The following PTPN21 variants were observed in gnomAD, a reference collection of about 807,000 sequenced individuals.
PTPN21 encodes the protein tyrosine-protein phosphatase non-receptor type 21.
A neutral mutation model predicts 131.8 loss-of-function variants in PTPN21; 77 were observed. The ratio of observed to expected loss-of-function variants is 0.58; its 90% CI spans 0.49 to 0.71. The LOEUF is 0.71. Among genes scored for constraint, PTPN21 ranks in the 30% least tolerant of loss-of-function variants. The pLI, the probability that PTPN21 is intolerant of heterozygous loss-of-function variation, is 0.00. For synonymous variants in PTPN21, 715 were observed against 621.3 expected (o/e 1.15, Z -2.24); for missense variants, 1,552 against 1,527.1 (o/e 1.02, Z -0.27).
chr14:88,497,126 C>T, intron 9 of PTPN21, 77 bp downstream of exon 9: 1 of 1,124,944 alleles, frequency 8.9e-7, no homozygotes, highest in Non-Finnish European at 1.4e-6. Context: ...TGCCTCCAAA[C>T]ACATACAGGC....
chr14:88,483,575 T>A (rs2077684846), intron 12 of PTPN21, among the ~76,000 whole-genome samples: 1 of 152,110 alleles, frequency 6.6e-6, no homozygotes, highest in Admixed American at 6.6e-5. Flanking sequence ...GGTCCCTTCA[T>A]GCATCACTCC....
chr14:88,500,980 A>G, intron 7 of PTPN21, 109 bp from the exon 8 acceptor site: 1 of 777,886 alleles, frequency 1.3e-6, no homozygotes, highest in Non-Finnish European at 2.2e-6. Flanking sequence ...GAAGACCTAC[A>G]GAGTAACTAT....
At chr14:88,472,214 G>T in intron 15 of PTPN21, 30 bp downstream of exon 15, 1 of 1,208,478 alleles carries the variant, frequency 8.3e-7, no homozygotes, top group Non-Finnish European at 1.2e-6. Flanking sequence ...AACTGCATGT[G>T]CTGTTGATTA....
At position 88,468,193 on chromosome 14, in the gene PTPN21, A is replaced by G; in HGVS notation, c.3469T>C (p.Tyr1157His). ...RMMLVQTLCQ[Y>H]TFVYRVLIQF... ...ATGAGGACTCTGTACACAAATGTGTACTGGCAGAGAGTCTGCACCAGCATC... is the reference window on the plus strand; with the variant it reads ...ATGAGGACTCTGTACACAAATGTGTGCTGGCAGAGAGTCTGCACCAGCATC... Residue 1157 changes from tyrosine to histidine, a missense_variant, in exon 19 of 19, where the codon TAC (tyrosine) becomes CAC (histidine). This residue lies in a region of PTPN21 where 316 missense variants were observed against 378.5 expected (regional missense o/e 0.83). Coordinates refer to ENST00000556564, the MANE Select transcript of PTPN21 (RefSeq NM_007039.4). The G allele has an allele frequency of 6.2e-7, 1 of 1,613,064 alleles. No individual in the cohort carries two copies. The highest frequency in any genetic ancestry group is 8.5e-7 in the Non-Finnish European group (1 of 1,179,074).
At chr14:88,487,586 ACTG>A (rs59969163) in intron 10 of PTPN21, among the ~76,000 whole-genome samples, 15,004 of 152,014 alleles carry the variant, frequency 0.099, 905 homozygotes, top group South Asian at 0.17. Flanking sequence ...GGTGATTACA[ACTG>A]CTTTTACTAG....
chr14:88,475,568 C>G (rs182708976), intron 13 of PTPN21, among the ~76,000 whole-genome samples: 1 of 152,276 alleles, frequency 6.6e-6, no homozygotes, highest in African/African-American at 2.4e-5. Flanking sequence ...CTAAACACTT[C>G]CTGCTTAGGC....
At chr14:88,551,700 G>GT (rs898806284) in intron 1 of PTPN21, 5 of 152,204 alleles carry the variant, frequency 3.3e-5, no homozygotes, top group African/African-American at 1.2e-4. Context: ...TTTATAGAGC[G>GT]AAGTCTCGCT....
At chr14:88,481,214 T>C (rs981356236) in intron 12 of PTPN21, among the ~76,000 whole-genome samples, 7 of 152,238 alleles carry the variant, frequency 4.6e-5, no homozygotes, top group African/African-American at 1.7e-4. Flanking sequence ...TGGTGATTTA[T>C]GTGATCATGG....
intron 2 of PTPN21, among the ~76,000 whole-genome samples, chr14:88,533,545 CATTT>C (rs1450987684): frequency 6.6e-6 from 1 of 152,166 alleles, no homozygotes; most frequent in Non-Finnish European, 1.5e-5. Context: ...CTGATTTATG[CATTT>C]ATTATACTTT....
intron 2 of PTPN21, among the ~76,000 whole-genome samples, chr14:88,548,108 G>A (rs1404837995): frequency 1.3e-5 from 2 of 151,918 alleles, no homozygotes; most frequent in African/African-American, 2.4e-5. Flanking sequence ...TCTATTACTC[G>A]GTAGGTCCTG....
rs192482391 is a variant in PTPN21 at position 88,504,212 on chromosome 14, A to G, written c.587+213T>C. 1.1e-3 allele frequency among the ~76,000 whole-genome samples: 175 copies of G among 152,304 alleles called. 4 individuals carry two copies. Among genetic ancestry groups the G allele is most frequent in the African/African-American group, 4.0e-3 (165 of 41,574 alleles). ...CACTGGTAAAACATGGACAATAAATAAGTAATATGGGTAAGTGCTTACTTA... is the reference window on the plus strand; with the variant it reads ...CACTGGTAAAACATGGACAATAAATGAGTAATATGGGTAAGTGCTTACTTA... On this transcript the variant is annotated intron_variant, in intron 6 of 18. Coordinates refer to ENST00000556564, the MANE Select transcript of PTPN21 (RefSeq NM_007039.4).
At chr14:88,510,062 A>T (rs1041656504) in intron 3 of PTPN21, among the ~76,000 whole-genome samples, 3 of 152,134 alleles carry the variant, frequency 2.0e-5, no homozygotes, top group Admixed American at 2.0e-4. Flanking sequence ...AACATGAAAA[A>T]GCAACATACT....
Position 88,517,202 on chromosome 14 carries a change from C to T in PTPN21, c.240G>A (p.Leu80=), listed in dbSNP as rs1566838467. ...CCAGCTGCTTCTTCAAAGGTTTTTC[C>T]AAATCTACCCACCGGCGCTGATTTT... The part of the protein sequence containing the change: ...NKQNQRRWVD[L]EKPLKKQLDK... Residue 80 remains leucine (L), a synonymous_variant, in exon 3 of 19, where the codon TTG becomes TTA. Coordinates refer to ENST00000556564, the MANE Select transcript of PTPN21 (RefSeq NM_007039.4). The T allele has an allele frequency of 6.2e-7, 1 of 1,614,008 alleles. No homozygotes were observed.
intron 4 of PTPN21, 145 bp downstream of exon 4, chr14:88,507,775 GGAA>G: frequency 2.1e-6 from 1 of 466,416 alleles, no homozygotes; most frequent in South Asian, 4.8e-5. Context: ...TTTCCCAAAA[GGAA>G]GCCCCTTAGA....
rs116781968 is a variant in PTPN21 at position 88,521,180 on chromosome 14, C to T, written c.181-3919G>A. Among the ~76,000 whole-genome samples, 736 of 152,152 alleles carry T rather than the reference C, an allele frequency of 4.8e-3. 6 individuals are homozygous for T. Among genetic ancestry groups the T allele is most frequent in the African/African-American group, 0.016 (680 of 41,520 alleles). Reference sequence around the variant, plus strand: ...TATTTTTAAAAATATCATTTAGTTTCACCCATTCTCTCCACCAACAAAATC... The same window carrying T: ...TATTTTTAAAAATATCATTTAGTTTTACCCATTCTCTCCACCAACAAAATC... On this transcript the variant is annotated intron_variant, in intron 2 of 18. Coordinates refer to ENST00000556564, the MANE Select transcript of PTPN21 (RefSeq NM_007039.4).
At chr14:88,501,145 G>A (rs2078001806) in intron 7 of PTPN21, 136 bp downstream of exon 7, 3 of 820,230 alleles carry the variant, frequency 3.7e-6, no homozygotes, top group Non-Finnish European at 6.0e-6. Flanking sequence ...TTGGTCACCA[G>A]GACCTCAGCT....
intron 2 of PTPN21, among the ~76,000 whole-genome samples, chr14:88,542,332 G>C (rs934778683): frequency 2.0e-5 from 3 of 152,128 alleles, no homozygotes; most frequent in African/African-American, 7.2e-5. Context: ...CAAAGACAGT[G>C]ACAGCACTTA....
chr14:88,506,285 C>T lies in PTPN21; in HGVS notation c.449-914G>A, dbSNP rs147221670. ...AGCACAGTAGGTTGTGGCTGCAGTG[C>T]GCCACGATCACATCACTGCACTCAA... On this transcript the variant is annotated intron_variant, in intron 4 of 18. Transcript: ENST00000556564. Among the ~76,000 whole-genome samples, 230 of 152,094 alleles carry T rather than the reference C, an allele frequency of 1.5e-3. 4 individuals carry two copies. The highest frequency in any genetic ancestry group is 5.1e-3 in the African/African-American group (212 of 41,490).
At chr14:88,508,960 T>C (rs1172111855) in intron 3 of PTPN21, among the ~76,000 whole-genome samples, 1 of 152,206 alleles carries the variant, frequency 6.6e-6, no homozygotes, top group African/African-American at 2.4e-5. Flanking sequence ...ATTAGTATTC[T>C]GCACGAACTT....
Sources: allele counts gnomAD v4.1 joint callset (sites outside exome capture counted in the v4.1 genomes callset), GRCh38; gene constraint gnomAD v4.1.1; regional missense constraint gnomAD v4.1.1; transcripts MANE v1.5; gene names NCBI Gene and HGNC (gene_info 2026-07-23, HGNC 2026-07-21).